ASPH: variants seen among roughly 807,000 people sequenced by gnomAD.
ASPH encodes the protein aspartate beta-hydroxylase.
ASPH carries 100 observed loss-of-function variants against 118.4 expected under a neutral mutation model. That is an observed-to-expected ratio of 0.84 (90% CI 0.72 to 1.00). The LOEUF (loss-of-function observed/expected upper bound fraction) is 1.00. ASPH is among the 50% of genes least tolerant of loss of function. The pLI, the probability that ASPH is intolerant of heterozygous loss-of-function variation, is 0.00. For synonymous variants in ASPH, 315 were observed against 325.6 expected (o/e 0.97, Z 0.35); for missense variants, 920 against 919.5 (o/e 1.00, Z -0.01).
chr8:61,535,930 A>G (rs1456447468), intron 21 of ASPH, among the ~76,000 whole-genome samples: 2 of 152,198 alleles, frequency 1.3e-5, no homozygotes, highest in Non-Finnish European at 2.9e-5. Flanking sequence ...CAACACCGCT[A>G]AGGAAATTAC....
At position 61,592,234 on chromosome 8, in the gene ASPH, G is replaced by A. The variant is rs557954083; in HGVS notation, c.977-8205C>T. On this transcript the variant is annotated intron_variant, in intron 14 of 24. Coordinates refer to ENST00000379454, the MANE Select transcript of ASPH (RefSeq NM_004318.4). ...AAAACCTCATATAAATGTTAATTATGACTTTCATCTACAGTATCTTATTTT... is the reference window on the plus strand; with the variant it reads ...AAAACCTCATATAAATGTTAATTATAACTTTCATCTACAGTATCTTATTTT... 7.7e-4 allele frequency among the ~76,000 whole-genome samples: 117 copies of A among 152,306 alleles called. 1 individual carries two copies. In the Middle Eastern group the frequency reaches 0.041, roughly 53 times the overall value.
intron 22 of ASPH, among the ~76,000 whole-genome samples, chr8:61,523,225 T>G (rs543352900): frequency 6.6e-6 from 1 of 152,092 alleles, no homozygotes; most frequent in Non-Finnish European, 1.5e-5. Flanking sequence ...TTCTCCTCTA[T>G]TTCTGAACCA....
At chr8:61,545,460 G>A (rs16927470) in intron 21 of ASPH, among the ~76,000 whole-genome samples, 98,210 of 152,076 alleles carry the variant, frequency 0.65, 35,842 homozygotes, top group Non-Finnish European at 0.82. Flanking sequence ...GCTGGAAAAC[G>A]ATATTAACCA....
At chr8:61,524,085 T>C (rs892764653) in intron 22 of ASPH, among the ~76,000 whole-genome samples, 2 of 152,146 alleles carry the variant, frequency 1.3e-5, no homozygotes, top group African/African-American at 4.8e-5. Context: ...TGCCAATCAA[T>C]CAATCAATGT....
chr8:61,711,403 A>G (rs1311954527), intron 1 of ASPH, among the ~76,000 whole-genome samples: 1 of 152,190 alleles, frequency 6.6e-6, no homozygotes, highest in Non-Finnish European at 1.5e-5. Context: ...CTGGCCATGC[A>G]AGTCCAGTTC....
At chr8:61,562,389 C>CTCTGTGTGTGTGTGTGTGTG (rs71257370) in intron 18 of ASPH, among the ~76,000 whole-genome samples, 47 of 128,986 alleles carry the variant, frequency 3.6e-4, no homozygotes, top group Admixed American at 7.3e-4. Flanking sequence ...GAAAGTGTGT[C>CTCTGTGTGTGTGTGTGTGTG]TGTGTGTGTG....
chr8:61,518,308 A>G (rs1317495990), intron 22 of ASPH, among the ~76,000 whole-genome samples, 185 bp from the exon 23 acceptor site: 1 of 152,218 alleles, frequency 6.6e-6, no homozygotes, highest in Non-Finnish European at 1.5e-5. Flanking sequence ...AATAAAGAAG[A>G]CGTGTCTTGC....
At chr8:61,655,485 T>C (rs928646403) in intron 3 of ASPH, among the ~76,000 whole-genome samples, 7 of 152,294 alleles carry the variant, frequency 4.6e-5, no homozygotes, top group Middle Eastern at 3.4e-3. Flanking sequence ...TTTAGCAGGC[T>C]CTCAAACTGT....
At position 61,624,984 on chromosome 8, in the gene ASPH, T is replaced by A. The variant is rs189815571; in HGVS notation, c.935-5965A>T. 3.3e-4 allele frequency: 329 copies of A among 985,304 alleles called. 2 individuals carry two copies. In the African/African-American group the frequency reaches 5.3e-3, roughly 16 times the overall value. The allele number at this position is 985,304 out of a possible 1,614,324, so 61.0% of individuals were successfully genotyped here. A position where few individuals can be genotyped will look rare whatever the true frequency, so the allele number is the denominator to read the frequency against. On this transcript the variant is annotated intron_variant, in intron 13 of 24. Transcript: ENST00000379454. Reference sequence around the variant, plus strand: ...TCACTACATTGTATAATAACTATGATCTATAGTGATAAAAATATAGAAGTA... The same window carrying A: ...TCACTACATTGTATAATAACTATGAACTATAGTGATAAAAATATAGAAGTA...
chr8:61,522,636 G>C (rs560623388), intron 22 of ASPH, among the ~76,000 whole-genome samples: 17 of 152,138 alleles, frequency 1.1e-4, no homozygotes, highest in Non-Finnish European at 1.9e-4. Context: ...GTTTTATAAG[G>C]GGCTTCCCCC....
At chr8:61,609,442 A>C (rs371056093) in intron 14 of ASPH, among the ~76,000 whole-genome samples, 17 of 152,110 alleles carry the variant, frequency 1.1e-4, no homozygotes, top group Admixed American at 5.2e-4. Flanking sequence ...GTCACTGCTG[A>C]CCGGGCATGG....
At chr8:61,530,284 T>C (rs1243089293) in intron 21 of ASPH, among the ~76,000 whole-genome samples, 2 of 152,264 alleles carry the variant, frequency 1.3e-5, no homozygotes, top group African/African-American at 4.8e-5. Context: ...CACCAGTTTC[T>C]AATTCCCATT....
In ASPH at chr8:61,643,553, A is replaced by G. The variant is rs528375404; in HGVS notation, c.710-120T>C. 8 of 977,152 alleles carry G rather than the reference A, an allele frequency of 8.2e-6. No individual in the cohort carries two copies. The South Asian group carries it at 9.4e-5, about 12-fold the overall frequency. The allele number at this position is 977,152 out of a possible 1,614,324, so 60.5% of individuals were successfully genotyped here. A position where few individuals can be genotyped will look rare whatever the true frequency, so the allele number is the denominator to read the frequency against. ...ACTTTGCCAGATAGATGTTTTCATT[A>G]TCATTTAATAAAATTTAAGCTGAAT... On this transcript the variant is annotated intron_variant, in intron 8 of 24. Transcript: ENST00000379454.
intron 6 of ASPH, among the ~76,000 whole-genome samples, chr8:61,646,365 G>C (rs1588594535): frequency 6.6e-6 from 1 of 152,142 alleles, no homozygotes; most frequent in South Asian, 2.1e-4. Flanking sequence ...GCTAAGAATT[G>C]TGTTTTGCTC....
intron 1 of ASPH, among the ~76,000 whole-genome samples, chr8:61,686,350 G>C (rs933749783): frequency 1.3e-5 from 2 of 152,064 alleles, no homozygotes; most frequent in Non-Finnish European, 2.9e-5. Context: ...CTGCAATGTT[G>C]GTAGAGGGAA....
At chr8:61,622,505 C>T (rs944285226) in intron 13 of ASPH, among the ~76,000 whole-genome samples, 2 of 152,208 alleles carry the variant, frequency 1.3e-5, no homozygotes, top group Non-Finnish European at 2.9e-5. Flanking sequence ...GGCATCTGTT[C>T]TTTCCCTGCA....
intron 13 of ASPH, chr8:61,626,365 A>T: frequency 7.4e-7 from 1 of 1,346,410 alleles, no homozygotes; most frequent in Non-Finnish European, 9.6e-7. Context: ...ACTTTTTAAA[A>T]AACCCACCAA....
At chr8:61,624,607 C>T in intron 13 of ASPH, 1 of 985,240 alleles carries the variant, frequency 1.0e-6, no homozygotes, top group East Asian at 1.1e-4. Flanking sequence ...AGAAAATCCA[C>T]CGATGTTGCA....
At position 61,640,699 on chromosome 8, in the gene ASPH, T is replaced by C. The variant is rs117487324; in HGVS notation, c.790+2189A>G. On this transcript the variant is annotated intron_variant, in intron 10 of 24. Coordinates refer to ENST00000379454, the MANE Select transcript of ASPH (RefSeq NM_004318.4). The stretch of plus-strand genomic sequence containing the variant: ...ATAAGATCCATGAGAACAGGAACCA[T>C]GGGTGTTCTTCACTAGAACTGCTCC... 1.0e-3 allele frequency among the ~76,000 whole-genome samples: 159 copies of C among 152,330 alleles called. 3 individuals carry two copies. The East Asian group carries it at 0.026, about 25-fold the overall frequency.
Sources: gnomAD v4.1 joint callset for allele counts (sites outside exome capture counted in the v4.1 genomes callset) on GRCh38, gnomAD v4.1.1 for gene constraint, MANE v1.5 for transcripts, NCBI Gene and HGNC (gene_info 2026-07-23, HGNC 2026-07-21) for gene names.